ADARB2: variants seen among roughly 807,000 people sequenced by gnomAD.
ADARB2 encodes adenosine deaminase RNA specific B2 (inactive), also known as inactive double-stranded RNA-specific editase B2.
Under a neutral mutation model 62.2 loss-of-function variants are expected in ADARB2, and 25 were observed. The observed-to-expected ratio is 0.40, with a 90% confidence interval of 0.29 to 0.56. The LOEUF (loss-of-function observed/expected upper bound fraction) is 0.56. Ranked by LOEUF, ADARB2 falls within the 20% of genes least tolerant of loss-of-function variation. ADARB2 has a pLI of 0.43. For synonymous variants in ADARB2, 572 were observed against 500.8 expected (o/e 1.14, Z -1.90); for missense variants, 1,071 against 1,077.4 (o/e 0.99, Z 0.08).
chr10:1,696,028 A>G (rs1272388363), intron 1 of ADARB2, among the ~76,000 whole-genome samples: 1 of 151,992 alleles, frequency 6.6e-6, no homozygotes, highest in Non-Finnish European at 1.5e-5. Flanking sequence ...CTGCGTGTGT[A>G]TGTGTGCATG....
intron 4 of ADARB2, among the ~76,000 whole-genome samples, chr10:1,263,810 C>T (rs531107866): frequency 1.3e-5 from 2 of 152,148 alleles, no homozygotes; most frequent in African/African-American, 4.8e-5. Context: ...GTGAATTATT[C>T]CAGGCTAAAC....
chr10:1,578,125 C>G (rs1833046103), intron 1 of ADARB2, among the ~76,000 whole-genome samples: 1 of 152,150 alleles, frequency 6.6e-6, no homozygotes, highest in Admixed American at 6.5e-5. Context: ...TGCTGTATAT[C>G]ATTTATACCT....
intron 1 of ADARB2, among the ~76,000 whole-genome samples, chr10:1,619,636 G>C (rs1037435909): frequency 6.6e-6 from 1 of 152,112 alleles, no homozygotes; most frequent in Non-Finnish European, 1.5e-5. Context: ...ATTTTTAGTA[G>C]AGATGGGGTT....
chr10:1,468,577 A>C (rs1173040901), intron 1 of ADARB2, among the ~76,000 whole-genome samples: 1 of 152,234 alleles, frequency 6.6e-6, no homozygotes, highest in Non-Finnish European at 1.5e-5. Context: ...CCAACAGAGA[A>C]GGCGGCAGGC....
chr10:1,719,035 G>GCTGCAACCTCTGCCTCC (rs1171717399), intron 1 of ADARB2, among the ~76,000 whole-genome samples: 1 of 151,934 alleles, frequency 6.6e-6, no homozygotes, highest in Non-Finnish European at 1.5e-5. Flanking sequence ...ATGTCAGCTC[G>GCTGCAACCTCTGCCTCC]CTGCAACCTC....
intron 1 of ADARB2, among the ~76,000 whole-genome samples, chr10:1,456,711 A>G (rs1831100588): frequency 6.6e-6 from 1 of 152,124 alleles, no homozygotes; most frequent in African/African-American, 2.4e-5. Flanking sequence ...TTCCCCTTAA[A>G]CATATTTCTC....
chr10:1,404,098 A>T (rs1005229153), intron 1 of ADARB2, among the ~76,000 whole-genome samples: 12 of 152,206 alleles, frequency 7.9e-5, no homozygotes, highest in African/African-American at 2.7e-4. Context: ...GCCAACAAAG[A>T]TGAAACAGCT....
intron 1 of ADARB2, among the ~76,000 whole-genome samples, chr10:1,491,684 A>G (rs1239718778): frequency 1.3e-5 from 2 of 152,198 alleles, no homozygotes; most frequent in East Asian, 1.9e-4. Context: ...TGAGCCTGCC[A>G]TAACCTACCT....
chr10:1,688,260 G>A (rs1834621710), intron 1 of ADARB2, among the ~76,000 whole-genome samples: 1 of 152,196 alleles, frequency 6.6e-6, no homozygotes, highest in Non-Finnish European at 1.5e-5. Flanking sequence ...GGTGCACTCA[G>A]CCTGGCTGCA....
intron 2 of ADARB2, among the ~76,000 whole-genome samples, chr10:1,370,556 A>T (rs1420909912): frequency 1.3e-5 from 2 of 152,236 alleles, no homozygotes; most frequent in Non-Finnish European, 2.9e-5. Flanking sequence ...AGGAAACCCT[A>T]AAGACTCCTC....
At chr10:1,285,164 G>T (rs1831401837) in intron 3 of ADARB2, among the ~76,000 whole-genome samples, 1 of 152,174 alleles carries the variant, frequency 6.6e-6, no homozygotes, top group Non-Finnish European at 1.5e-5. Context: ...ACATCCAGCT[G>T]TCCCCATTAT....
At chr10:1,655,109 C>A (rs1834158087) in intron 1 of ADARB2, among the ~76,000 whole-genome samples, 2 of 152,214 alleles carry the variant, frequency 1.3e-5, no homozygotes, top group South Asian at 4.1e-4. Flanking sequence ...CCAGCAGGGG[C>A]AGGGTTAGCC....
In ADARB2 at chr10:1,698,678, G is replaced by T. The variant is rs548310426; in HGVS notation, c.100+38373C>A. ...GTGTAAAAGGGTAGTTAAAGGTGGA[G>T]CAGAACATTCAAAAATAGACTTAAT... On this transcript the variant is annotated intron_variant, in intron 1 of 9. Transcript: ENST00000381312. Among the ~76,000 whole-genome samples the T allele has an allele frequency of 4.1e-4, 62 of 152,304 alleles. No homozygotes were observed. The South Asian group carries it at 0.01, about 25-fold the overall frequency.
At chr10:1,717,464 TTTCTTTTCTG>T (rs1588364817) in intron 1 of ADARB2, among the ~76,000 whole-genome samples, 1 of 151,904 alleles carries the variant, frequency 6.6e-6, no homozygotes, top group Non-Finnish European at 1.5e-5. Flanking sequence ...CTTTCTTTCT[TTTCTTTTCTG>T]TTCTTTTCTT....
chr10:1,545,798 C>G (rs1832510550), intron 1 of ADARB2, among the ~76,000 whole-genome samples: 1 of 152,154 alleles, frequency 6.6e-6, no homozygotes, highest in Non-Finnish European at 1.5e-5. Flanking sequence ...GTAGTCAGTG[C>G]CCTGCACTCT....
intron 1 of ADARB2, chr10:1,535,055 G>A (rs969902563): frequency 6.0e-6 from 1 of 167,096 alleles, no homozygotes. Context: ...AATGAGCTAG[G>A]ACGAGGCAAC....
rs755434270 is a variant in ADARB2, at chr10:1,481,032, A to G, written c.101-101872T>C. 1.9e-4 allele frequency among the ~76,000 whole-genome samples: 29 copies of G among 152,354 alleles called. 1 individual carries two copies. The highest frequency in any genetic ancestry group is 3.9e-4 in the Admixed American group (6 of 15,302). ...ATAATCTTTAAGAAAAGGAGAACAA[A>G]GTTGGAGAATCCTGACTTCACTTCC... On this transcript the variant is annotated intron_variant, in intron 1 of 9. Coordinates refer to ENST00000381312, the MANE Select transcript of ADARB2 (RefSeq NM_018702.4).
At chr10:1,337,842 T>A (rs986408536) in intron 3 of ADARB2, among the ~76,000 whole-genome samples, 2 of 152,076 alleles carry the variant, frequency 1.3e-5, no homozygotes, top group African/African-American at 4.8e-5. Context: ...TAAAAGGGGG[T>A]GCCATTAATT....
intron 1 of ADARB2, among the ~76,000 whole-genome samples, chr10:1,644,562 G>C (rs917183997): frequency 6.6e-6 from 1 of 152,276 alleles, no homozygotes; most frequent in African/African-American, 2.4e-5. Context: ...GGTGGTGACA[G>C]AGAAATGTGC....
Sources: allele counts gnomAD v4.1 joint callset (sites outside exome capture counted in the v4.1 genomes callset), GRCh38; gene constraint gnomAD v4.1.1; transcripts MANE v1.5; gene names NCBI Gene and HGNC (gene_info 2026-07-23, HGNC 2026-07-21).